Variants in TAS2R1 observed in about 807,000 individuals in gnomAD.
TAS2R1 encodes the protein taste 2 receptor member 1.
For synonymous variants in TAS2R1, 141 were observed against 134.2 expected (o/e 1.05, Z -0.35); for missense variants, 370 against 353.4 (o/e 1.05, Z -0.38).
chr5:9,676,167 A>G (rs1740870765), intron 1 of TAS2R1, among the ~76,000 whole-genome samples: 1 of 152,170 alleles, frequency 6.6e-6, no homozygotes, highest in Non-Finnish European at 1.5e-5. Context: ...ATTTGCATAC[A>G]TTGAACCATC....
chr5:9,804,823 G>A, the TAS2R1 span, among the ~76,000 whole-genome samples: 1 of 151,960 alleles, frequency 6.6e-6, no homozygotes, highest in Non-Finnish European at 1.5e-5. Context: ...CTAAGCTCAT[G>A]CCTCATGGAA....
At chr5:9,800,053 T>C in the TAS2R1 span, among the ~76,000 whole-genome samples, 3 of 152,242 alleles carry the variant, frequency 2.0e-5, no homozygotes, top group East Asian at 5.8e-4. Flanking sequence ...GAGATGAACC[T>C]TAAGCAGGCC....
chr5:9,752,557 T>A, the TAS2R1 span, among the ~76,000 whole-genome samples: 19 of 83,176 alleles, frequency 2.3e-4, no homozygotes, highest in South Asian at 5.6e-3. Flanking sequence ...AAATATATCA[T>A]TTTTTTTATA....
chr5:9,829,067 T>C, the TAS2R1 span, among the ~76,000 whole-genome samples: 1 of 152,126 alleles, frequency 6.6e-6, no homozygotes, highest in African/African-American at 2.4e-5. Context: ...TAATCAACAA[T>C]TGATAAAGAA....
the TAS2R1 span, among the ~76,000 whole-genome samples, chr5:9,761,411 C>A: frequency 8.2e-5 from 12 of 146,604 alleles, no homozygotes; most frequent in East Asian, 1.8e-3. Flanking sequence ...ACTTCAAGTC[C>A]CAGAAAAAAA....
chr5:9,769,204 A>T, the TAS2R1 span, among the ~76,000 whole-genome samples: 1 of 152,230 alleles, frequency 6.6e-6, no homozygotes, highest in African/African-American at 2.4e-5. Flanking sequence ...TTCACTTAAC[A>T]TAATGACCTC....
the TAS2R1 span, among the ~76,000 whole-genome samples, chr5:9,818,682 C>G: frequency 6.6e-6 from 1 of 152,184 alleles, no homozygotes; most frequent in Non-Finnish European, 1.5e-5. Flanking sequence ...AAGCCTAGAC[C>G]TGGAACTGCA....
the TAS2R1 span, among the ~76,000 whole-genome samples, chr5:9,880,916 C>T: frequency 1.3e-5 from 2 of 152,108 alleles, no homozygotes; most frequent in African/African-American, 2.4e-5. Flanking sequence ...GGTGGGGCCT[C>T]GCTGCAGGAA....
the TAS2R1 span, among the ~76,000 whole-genome samples, chr5:9,802,237 C>T: frequency 6.6e-6 from 1 of 152,260 alleles, no homozygotes; most frequent in African/African-American, 2.4e-5. Context: ...GATCTGAAGA[C>T]AGATCACATC....
intron 2 of TAS2R1, among the ~76,000 whole-genome samples, chr5:9,643,192 C>A (rs1740120354): frequency 6.6e-6 from 1 of 152,170 alleles, no homozygotes; most frequent in African/African-American, 2.4e-5. Context: ...AATCGATAGA[C>A]AATTCCATCA....
At chr5:9,773,811 GTTAT>G in the TAS2R1 span, among the ~76,000 whole-genome samples, 6 of 152,230 alleles carry the variant, frequency 3.9e-5, no homozygotes, top group East Asian at 1.2e-3. Context: ...TGTATTAAAT[GTTAT>G]TTATTTTCTC....
At chr5:9,853,342 G>A in the TAS2R1 span, among the ~76,000 whole-genome samples, 2 of 152,344 alleles carry the variant, frequency 1.3e-5, no homozygotes, top group African/African-American at 4.8e-5. Context: ...ACAGCTCACA[G>A]TTAAAAGTGA....
At chr5:9,690,843 A>C (rs1741235030) in intron 1 of TAS2R1, among the ~76,000 whole-genome samples, 1 of 152,238 alleles carries the variant, frequency 6.6e-6, no homozygotes, top group South Asian at 2.1e-4. Flanking sequence ...ACCAACAATC[A>C]GGACGTAGAA....
At chr5:9,776,732 T>C in the TAS2R1 span, among the ~76,000 whole-genome samples, 5 of 152,312 alleles carry the variant, frequency 3.3e-5, no homozygotes, top group East Asian at 5.8e-4. Flanking sequence ...CAGAGGAAGA[T>C]GGCCAGACTC....
rs1739835323 is a variant in TAS2R1, at chr5:9,629,769, TATAA to T, written c.140_143del (p.Phe47Ter). 6.2e-7 allele frequency: 1 copy of T among 1,613,868 alleles called. No individual in the cohort carries two copies. Among genetic ancestry groups the T allele is most frequent in the African/African-American group, 1.3e-5 (1 of 75,030 alleles). On this transcript the variant is annotated frameshift_variant, in exon 3 of 3. Coordinates refer to the TAS2R1 transcript ENST00000506620. LOFTEE classifies it high-confidence loss of function. ...TGGCAAGCCAAAGTTCCAATTCATT[TATAA>T]ATAAGAGAATTGCACAATTCGCAGA... is the stretch of plus-strand genomic sequence containing the variant.
the TAS2R1 span, among the ~76,000 whole-genome samples, chr5:9,846,445 C>T: frequency 9.2e-5 from 14 of 152,092 alleles, no homozygotes; most frequent in African/African-American, 1.4e-4. Context: ...CTCCCGGACA[C>T]GCTATTTCTA....
At chr5:9,800,151 C>T in the TAS2R1 span, among the ~76,000 whole-genome samples, 1 of 152,194 alleles carries the variant, frequency 6.6e-6, no homozygotes, top group Non-Finnish European at 1.5e-5. Context: ...TTTTGGTTGT[C>T]ATAATTGGGT....
upstream of TAS2R1, chr5:9,713,079 C>G (rs2126534516): frequency 6.6e-6 from 1 of 152,200 alleles, no homozygotes; most frequent in Middle Eastern, 3.4e-3. Flanking sequence ...GCCCAGGAAG[C>G]TCCCCGTGAC....
At chr5:9,755,300 GA>G in the TAS2R1 span, among the ~76,000 whole-genome samples, 1 of 152,092 alleles carries the variant, frequency 6.6e-6, no homozygotes, top group Non-Finnish European at 1.5e-5. Flanking sequence ...AGTAAAGAAA[GA>G]AATAGGCCAG....
Sources: gnomAD v4.1 joint callset for allele counts (sites outside exome capture counted in the v4.1 genomes callset) on GRCh38, gnomAD v4.1.1 for gene constraint, MANE v1.5 for transcripts, NCBI Gene and HGNC (gene_info 2026-07-23, HGNC 2026-07-21) for gene names.